Variants in NRG4 observed in about 807,000 individuals in gnomAD.
NRG4 encodes pro-neuregulin-4, membrane-bound isoform.
In NRG4, 10 loss-of-function variants were observed where a neutral mutation model predicts 15.0. That is an observed-to-expected ratio of 0.67 (90% confidence interval 0.41 to 1.13). NRG4 has a LOEUF of 1.13. NRG4 is among the 50% of genes most tolerant of loss of function. NRG4 has a pLI of 0.00. For missense variants in NRG4, 139 were observed against 140.2 expected (o/e 0.99, Z 0.04); for synonymous variants, 41 against 50.1 (o/e 0.82, Z 0.77).
At position 75,941,713 on chromosome 15, in the gene NRG4, G is replaced by A. The variant is rs2030972143; in HGVS notation, c.*1925C>T. 1 of 152,192 alleles carries A rather than the reference G, an allele frequency of 6.6e-6. No homozygotes were observed. The highest frequency in any genetic ancestry group is 1.5e-5 in the Non-Finnish European group (1 of 67,992). The allele number at this position is 152,192 out of a possible 1,614,324, so 9.4% of individuals were successfully genotyped here. The stretch of plus-strand genomic sequence containing the variant: ...GGTACCTAGACTAGTGAGATTCATA[G>A]AGACAAAGTAGAACAAAGATTACGT... On this transcript the variant is annotated 3_prime_UTR_variant, in exon 6 of 6. Transcript: ENST00000394907.
intron 2 of NRG4, among the ~76,000 whole-genome samples, chr15:76,056,747 C>T (rs1034952821): frequency 6.6e-6 from 1 of 152,186 alleles, no homozygotes; most frequent in Non-Finnish European, 1.5e-5. Flanking sequence ...ATCAGATTCA[C>T]TTGTTCTATT....
intron 5 of NRG4, among the ~76,000 whole-genome samples, chr15:75,943,888 TC>T (rs1474832089): frequency 2.6e-5 from 4 of 152,022 alleles, no homozygotes; most frequent in Non-Finnish European, 5.9e-5. Context: ...CATATAAAGT[TC>T]CCTGCATGCC....
At chr15:76,011,947 T>C (rs984352624) in intron 1 of NRG4, 2 of 152,128 alleles carry the variant, frequency 1.3e-5, no homozygotes, top group South Asian at 2.1e-4. Context: ...TTCTTACATA[T>C]GAAGTTTCCT....
At chr15:76,015,706 G>A (rs1448935383), upstream of NRG4, among the ~76,000 whole-genome samples, 6 of 152,086 alleles carry the variant, frequency 3.9e-5, no homozygotes, top group East Asian at 1.9e-4. Context: ...TGACTTGATC[G>A]TGGTGGATAA....
rs546891534 is a variant in NRG4 at position 75,941,386 on chromosome 15, A to G, written c.*2252T>C. 1.7e-4 allele frequency: 26 copies of G among 152,358 alleles called. No homozygotes were observed. The highest frequency in any genetic ancestry group is 6.3e-4 in the African/African-American group (26 of 41,588). The allele number at this position is 152,358 out of a possible 1,614,324, so 9.4% of individuals were successfully genotyped here. A position where few individuals can be genotyped will look rare whatever the true frequency, so the allele number is the denominator to read the frequency against. ...CAGTATGGTGATTTTCCAATTAAAT[A>G]TAGAATTGTCATTTGATTCAGCAAT... On this transcript the variant is annotated 3_prime_UTR_variant, in exon 6 of 6. Transcript: ENST00000394907.
intron 3 of NRG4, among the ~76,000 whole-genome samples, chr15:75,967,514 T>A (rs1432178411): frequency 7.6e-6 from 1 of 132,216 alleles, no homozygotes; most frequent in African/African-American, 2.8e-5. Flanking sequence ...CAGGCTGGAG[T>A]GGAATGGTGT....
At chr15:75,951,415 C>T (rs1487290164) in intron 5 of NRG4, among the ~76,000 whole-genome samples, 4 of 151,912 alleles carry the variant, frequency 2.6e-5, no homozygotes, top group Non-Finnish European at 2.9e-5. Context: ...TGGTCTGCCC[C>T]CCTTGGCCTC....
upstream of NRG4, chr15:76,059,923 C>T (rs1224755191): frequency 7.0e-6 from 1 of 143,350 alleles, no homozygotes; most frequent in African/African-American, 2.5e-5. Flanking sequence ...GGCGGGGCCG[C>T]GAGGGGGCGG....
At chr15:75,985,048 T>A (rs1462268894) in intron 3 of NRG4, among the ~76,000 whole-genome samples, 1 of 152,174 alleles carries the variant, frequency 6.6e-6, no homozygotes, top group East Asian at 1.9e-4. Flanking sequence ...TTTCACCATG[T>A]TAGCCAGGCT....
intron 5 of NRG4, among the ~76,000 whole-genome samples, chr15:76,033,752 A>G (rs952398846): frequency 1.3e-5 from 2 of 152,176 alleles, no homozygotes; most frequent in Admixed American, 1.3e-4. Context: ...TTCAGCTTTA[A>G]GCATCACATC....
chr15:75,967,456 A>ATT (rs71140189), intron 3 of NRG4, among the ~76,000 whole-genome samples: 34,676 of 99,964 alleles, frequency 0.35, 7,016 homozygotes, highest in South Asian at 0.61. Flanking sequence ...AAAATCTTAG[A>ATT]TTTTTTTTTT....
intron 5 of NRG4, among the ~76,000 whole-genome samples, chr15:75,946,601 C>A (rs927993303): frequency 6.6e-6 from 1 of 152,080 alleles, no homozygotes; most frequent in African/African-American, 2.4e-5. Flanking sequence ...CCTCGTGATC[C>A]GCCTGCCTCA....
chr15:75,967,074 G>A (rs377586499), intron 3 of NRG4, among the ~76,000 whole-genome samples: 8 of 141,020 alleles, frequency 5.7e-5, no homozygotes, highest in African/African-American at 1.6e-4. Context: ...AGATCGCGCC[G>A]CTGCACTCCA....
chr15:75,945,852 T>C (rs1182654671), intron 5 of NRG4: 1 of 152,018 alleles, frequency 6.6e-6, no homozygotes, highest in Non-Finnish European at 1.5e-5. Flanking sequence ...ATGCCTGAAA[T>C]CACAGACAGC....
At chr15:75,974,156 G>A (rs897763295) in intron 3 of NRG4, among the ~76,000 whole-genome samples, 1 of 152,188 alleles carries the variant, frequency 6.6e-6, no homozygotes, top group Non-Finnish European at 1.5e-5. Context: ...CATTTGTGTA[G>A]AGGTGTTTAT....
intron 5 of NRG4, among the ~76,000 whole-genome samples, chr15:75,949,392 CAAAAAAAA>C (rs59154521): frequency 3.5e-5 from 5 of 144,342 alleles, no homozygotes; most frequent in South Asian, 2.2e-4. Context: ...GCCTGGGTGA[CAAAAAAAA>C]AAAAAAAAAA....
intron 5 of NRG4, among the ~76,000 whole-genome samples, chr15:76,034,502 C>T (rs2035554722): frequency 6.6e-6 from 1 of 152,076 alleles, no homozygotes; most frequent in South Asian, 2.1e-4. Flanking sequence ...GGCTCCAAAG[C>T]TTTTGCAGCC....
Position 76,009,232 on chromosome 15 carries a change from A to AT in NRG4, c.71dup (p.Tyr24Ter), listed in dbSNP as rs759066150. The AT allele has an allele frequency of 1.2e-6, 2 of 1,603,292 alleles. No homozygotes were observed. Among genetic ancestry groups the AT allele is most frequent in the East Asian group, 4.5e-5 (2 of 44,742 alleles). ...KSFCLNGGLC[Y>*]VIPTIPSPFC... The stretch of plus-strand genomic sequence containing the variant: ...ATGGGCTGGGAATAGTAGGTATCAC[A>AT]TAACAAAGCCCCCCATTCAGGCAAA... The change falls in exon 3 of 6, where the codon TAT (tyrosine) becomes TAAT (stop). Residue 24 changes from tyrosine to a stop codon, truncating the protein, a stop_gained and frameshift_variant. Coordinates refer to ENST00000394907, the MANE Select transcript of NRG4 (RefSeq NM_138573.4). LOFTEE classifies it high-confidence loss of function.
chr15:75,943,831 G>C (rs1473141965), intron 5 of NRG4, among the ~76,000 whole-genome samples, 177 bp from the exon 6 acceptor site: 1 of 152,066 alleles, frequency 6.6e-6, no homozygotes, highest in Non-Finnish European at 1.5e-5. Flanking sequence ...AGCCTGACAA[G>C]ACTCCTCAGA....
Sources: allele counts gnomAD v4.1 joint callset (sites outside exome capture counted in the v4.1 genomes callset), GRCh38; gene constraint gnomAD v4.1.1; transcripts MANE v1.5; gene names NCBI Gene and HGNC (gene_info 2026-07-23, HGNC 2026-07-21).